The following IQCB1 variants were observed in gnomAD, a reference collection of about 807,000 sequenced individuals.
IQCB1 encodes IQ motif containing B1.
Under a neutral mutation model 84.4 loss-of-function variants are expected in IQCB1, and 56 were observed. The ratio of observed to expected loss-of-function variants is 0.66; its 90% CI spans 0.54 to 0.83. The LOEUF is 0.83. IQCB1 is among the 40% of genes least tolerant of loss of function. IQCB1 has a pLI of 0.00. For missense variants in IQCB1, 629 were observed against 682.1 expected (o/e 0.92, Z 0.87); for synonymous variants, 210 against 234.8 (o/e 0.89, Z 0.96).
intron 7 of IQCB1, among the ~76,000 whole-genome samples, chr3:121,801,880 A>C (rs888868439): frequency 1.3e-4 from 15 of 119,692 alleles, no homozygotes; most frequent in Admixed American, 9.6e-5. Context: ...CTTTTTCTGT[A>C]TCTACTGATA....
intron 13 of IQCB1, among the ~76,000 whole-genome samples, chr3:121,773,342 T>C (rs1391134946): frequency 7.7e-6 from 1 of 129,072 alleles, no homozygotes; most frequent in African/African-American, 2.8e-5. Context: ...AAAAAGACAC[T>C]GGCCTATAAC....
chr3:121,789,474 C>A (rs889530490), intron 11 of IQCB1, among the ~76,000 whole-genome samples: 2 of 151,940 alleles, frequency 1.3e-5, no homozygotes, highest in African/African-American at 4.8e-5. Context: ...GATGGATACC[C>A]CAGGAAGAGA....
chr3:121,817,456 TTGTC>T (rs1950112665), intron 5 of IQCB1, among the ~76,000 whole-genome samples: 1 of 151,688 alleles, frequency 6.6e-6, no homozygotes, highest in South Asian at 2.1e-4. Context: ...GAAAAAGAAA[TTGTC>T]TGCCAACAGT....
intron 5 of IQCB1, among the ~76,000 whole-genome samples, chr3:121,811,537 C>T (rs1949829897): frequency 6.6e-6 from 1 of 152,202 alleles, no homozygotes; most frequent in Non-Finnish European, 1.5e-5. Flanking sequence ...TCGCTCCCAG[C>T]ACAACAGTCT....
rs1306875707 is a variant in IQCB1 at position 121,770,495 on chromosome 3, G to C, written c.1647C>G (p.Ala549=). 4 of 1,614,068 alleles carry C rather than the reference G, an allele frequency of 2.5e-6. No homozygotes were observed. The highest frequency in any genetic ancestry group is 1.3e-5 in the African/African-American group (1 of 74,932). ...LSRSRPVAAK[A]KQAHLTTLKH... is the part of the protein sequence containing the mutation. Reference sequence around the variant, plus strand: ...TCAGGGTTGTGAGATGGGCCTGCTTGGCCTTGGCTGCCACAGGCCTGGATC... The same window carrying C: ...TCAGGGTTGTGAGATGGGCCTGCTTCGCCTTGGCTGCCACAGGCCTGGATC... Residue 549 remains alanine (A), a synonymous_variant, in exon 15 of 15, where the codon GCC becomes GCG. Coordinates refer to ENST00000310864, the MANE Select transcript of IQCB1 (RefSeq NM_001023570.4).
chr3:121,774,520 G>A (rs1181554117), intron 13 of IQCB1, among the ~76,000 whole-genome samples: 2 of 152,174 alleles, frequency 1.3e-5, no homozygotes, highest in Non-Finnish European at 2.9e-5. Context: ...GCCAAAGGGT[G>A]GACGGAACCC....
At chr3:121,789,925 C>T (rs1948888397) in intron 11 of IQCB1, 148 bp downstream of exon 11, 4 of 689,496 alleles carry the variant, frequency 5.8e-6, no homozygotes, top group South Asian at 1.8e-5. Context: ...TTTTTGAACT[C>T]AGAAGATCTA....
At chr3:121,808,573 A>T (rs1177094665) in intron 6 of IQCB1, among the ~76,000 whole-genome samples, 2 of 151,978 alleles carry the variant, frequency 1.3e-5, no homozygotes, top group African/African-American at 2.4e-5. Context: ...GATTTCTCTC[A>T]TGATAGGTCT....
rs1948904679 is a variant in IQCB1, at chr3:121,790,135, C to G, written c.1067G>C (p.Arg356Thr). Residue 356 changes from arginine to threonine, a missense_variant, in exon 11 of 15, where the codon AGA becomes ACA. Transcript: ENST00000310864. ...TCGGGAAAGTCTCATGGCTCTCTGT[C>G]TTTGAAGTTGCAATTGTAATTTGAG... ...EDLKLQLQLQ[R>T]QRAMRLSREL... 3 of 1,613,716 alleles carry G rather than the reference C, an allele frequency of 1.9e-6. No individual in the cohort carries two copies. Among genetic ancestry groups the G allele is most frequent in the Non-Finnish European group, 2.5e-6 (3 of 1,179,650 alleles).
At chr3:121,819,471 C>A (rs1950197415) in intron 5 of IQCB1, among the ~76,000 whole-genome samples, 1 of 152,152 alleles carries the variant, frequency 6.6e-6, no homozygotes, top group Admixed American at 6.5e-5. Context: ...TCCTGTGTGG[C>A]TGGGTTTCTG....
At chr3:121,831,362 CAG>C (rs1950632309) in intron 2 of IQCB1, among the ~76,000 whole-genome samples, 1 of 151,882 alleles carries the variant, frequency 6.6e-6, no homozygotes, top group African/African-American at 2.4e-5. Context: ...TTAGTAGAGA[CAG>C]GGTTTCTCCA....
chr3:121,822,613 G>T (rs190512962), intron 5 of IQCB1, among the ~76,000 whole-genome samples: 24 of 152,284 alleles, frequency 1.6e-4, no homozygotes, highest in African/African-American at 5.8e-4. Flanking sequence ...CTAGTGCTGG[G>T]TATACAGAGT....
intron 7 of IQCB1, among the ~76,000 whole-genome samples, chr3:121,805,918 C>T (rs1197273689): frequency 6.6e-6 from 1 of 152,082 alleles, no homozygotes; most frequent in African/African-American, 2.4e-5. Flanking sequence ...AGACTCTGAG[C>T]TCTATCACTT....
intron 13 of IQCB1, among the ~76,000 whole-genome samples, chr3:121,780,479 C>T (rs940313712): frequency 6.6e-6 from 1 of 152,132 alleles, no homozygotes; most frequent in African/African-American, 2.4e-5. Context: ...CACAGAGGGC[C>T]TGATATAGAA....
chr3:121,807,934 C>CT (rs1217917005), intron 6 of IQCB1, among the ~76,000 whole-genome samples: 1 of 151,886 alleles, frequency 6.6e-6, no homozygotes, highest in Non-Finnish European at 1.5e-5. Flanking sequence ...TCTTTAAGCT[C>CT]TGAGCAGCCA....
chr3:121,783,045 T>C (rs1164337748), intron 12 of IQCB1, among the ~76,000 whole-genome samples: 1 of 152,208 alleles, frequency 6.6e-6, no homozygotes, highest in Middle Eastern at 3.2e-3. Context: ...TGAATACATG[T>C]GACACACTAC....
At chr3:121,790,514 A>C (rs1162300490) in intron 10 of IQCB1, among the ~76,000 whole-genome samples, 1 of 152,200 alleles carries the variant, frequency 6.6e-6, no homozygotes, top group Admixed American at 6.5e-5. Context: ...TCAGATATAT[A>C]TGTAAAAATT....
intron 5 of IQCB1, among the ~76,000 whole-genome samples, chr3:121,814,726 T>A (rs985732623): frequency 1.3e-5 from 2 of 152,186 alleles, no homozygotes; most frequent in African/African-American, 4.8e-5. Context: ...GCTGAATCCC[T>A]GAATAGACCA....
Position 121,784,035 on chromosome 3 carries a change from T to C in IQCB1, c.1279-2161A>G, listed in dbSNP as rs542916462. Reference sequence around the variant, plus strand: ...ATGTAGAAGTGTTTCTGTCACTGTATTGGACACTTAATTGGTCCCCTTAAT... The same window carrying C: ...ATGTAGAAGTGTTTCTGTCACTGTACTGGACACTTAATTGGTCCCCTTAAT... On this transcript the variant is annotated intron_variant, in intron 12 of 14. Transcript: ENST00000310864. Among the ~76,000 whole-genome samples the C allele has an allele frequency of 1.4e-4, 21 of 152,348 alleles. 1 individual carries two copies. In the East Asian group the frequency reaches 4.0e-3, roughly 29 times the overall value.
Sources: allele counts gnomAD v4.1 joint callset (sites outside exome capture counted in the v4.1 genomes callset), GRCh38; gene constraint gnomAD v4.1.1; transcripts MANE v1.5; gene names NCBI Gene and HGNC (gene_info 2026-07-23, HGNC 2026-07-21).